Variants in EDNRB observed in about 807,000 individuals in gnomAD.
EDNRB encodes the protein endothelin receptor type B.
A neutral mutation model predicts 46.4 loss-of-function variants in EDNRB; 18 were observed. The observed-to-expected ratio is 0.39, with a 90% CI of 0.27 to 0.57. The LOEUF (loss-of-function observed/expected upper bound fraction) is 0.57. Among genes scored for constraint, EDNRB ranks in the 20% least tolerant of loss-of-function variants. The pLI is 0.61. For synonymous variants in EDNRB, 213 were observed against 204.9 expected (o/e 1.04, Z -0.34); for missense variants, 434 against 537.5 (o/e 0.81, Z 1.90).
chr13:77,907,320 C>G (rs1335723750), intron 1 of EDNRB, among the ~76,000 whole-genome samples: 1 of 151,912 alleles, frequency 6.6e-6, no homozygotes, highest in Non-Finnish European at 1.5e-5. Flanking sequence ...GAATTTGCCC[C>G]TTTTTCTTCC....
At chr13:77,968,555 C>T (rs1881642510) in intron 1 of EDNRB, among the ~76,000 whole-genome samples, 1 of 151,916 alleles carries the variant, frequency 6.6e-6, no homozygotes, top group South Asian at 2.1e-4. Flanking sequence ...GACACGTTTT[C>T]TGCCTTCATA....
At chr13:77,940,023 T>A (rs1051986308) in intron 1 of EDNRB, 1 of 147,670 alleles carries the variant, frequency 6.8e-6, no homozygotes, top group Non-Finnish European at 1.5e-5. Context: ...AATAAATAAA[T>A]AAAATAAAAA....
chr13:77,927,441 A>T (rs1001998468), intron 1 of EDNRB, among the ~76,000 whole-genome samples: 2 of 152,216 alleles, frequency 1.3e-5, no homozygotes, highest in African/African-American at 4.8e-5. Flanking sequence ...AACTAGAACA[A>T]AGTTGGGTAC....
intron 1 of EDNRB, among the ~76,000 whole-genome samples, chr13:77,931,761 C>CAAAAAAAAAAA (rs1424831945): frequency 1.0e-5 from 1 of 97,772 alleles, no homozygotes; most frequent in African/African-American, 3.8e-5. Flanking sequence ...AAAAAAAAAA[C>CAAAAAAAAAAA]AAAAAAAAAA....
At chr13:77,901,030 G>A (rs199580352) in intron 4 of EDNRB, 28 bp downstream of exon 4, 20 of 1,605,796 alleles carry the variant, frequency 1.2e-5, no homozygotes, top group African/African-American at 5.4e-5. Flanking sequence ...ATTCAACCAC[G>A]AGTTATCAAA....
At chr13:77,935,485 G>A (rs1039268708) in intron 1 of EDNRB, among the ~76,000 whole-genome samples, 2 of 152,172 alleles carry the variant, frequency 1.3e-5, no homozygotes, top group African/African-American at 4.8e-5. Context: ...TTGTTAGGAT[G>A]GCAAAACCAG....
intron 1 of EDNRB, among the ~76,000 whole-genome samples, chr13:77,961,930 A>G (rs898300384): frequency 6.6e-6 from 1 of 152,216 alleles, no homozygotes; most frequent in African/African-American, 2.4e-5. Flanking sequence ...AGATGCAATA[A>G]AAAATGATAA....
intron 1 of EDNRB, among the ~76,000 whole-genome samples, chr13:77,925,354 T>C (rs1432074416): frequency 1.3e-5 from 2 of 152,378 alleles, no homozygotes; most frequent in South Asian, 2.1e-4. Context: ...CTGAATCATA[T>C]GGCAGTTCTA....
intron 1 of EDNRB, among the ~76,000 whole-genome samples, chr13:77,945,876 C>CAAAAAAAAAAA (rs67463440): frequency 3.9e-4 from 45 of 115,550 alleles, no homozygotes; most frequent in African/African-American, 3.9e-4. Context: ...TGCAAAAAAC[C>CAAAAAAAAAAA]AAAAAAAAAA....
At chr13:77,946,901 C>G (rs140035337) in intron 1 of EDNRB, among the ~76,000 whole-genome samples, 2,243 of 152,262 alleles carry the variant, frequency 0.015, 46 homozygotes, top group East Asian at 0.024. Context: ...TTCCACACTT[C>G]CAAGGGGCAA....
intron 1 of EDNRB, among the ~76,000 whole-genome samples, chr13:77,968,587 GTAAA>G (rs1356542208): frequency 1.3e-5 from 2 of 151,976 alleles, no homozygotes; most frequent in African/African-American, 4.8e-5. Flanking sequence ...TGATGAGTGA[GTAAA>G]TAAACATGAA....
chr13:77,906,552 C>CA (rs1221510161), intron 1 of EDNRB, among the ~76,000 whole-genome samples: 2 of 151,976 alleles, frequency 1.3e-5, no homozygotes, highest in African/African-American at 2.4e-5. Flanking sequence ...TGGGGGAGGC[C>CA]AGCTGCCATG....
In EDNRB at chr13:77,918,271, T is replaced by G; in HGVS notation, c.303A>C (p.Lys101Asn). 1 of 1,614,084 alleles carries G rather than the reference T, an allele frequency of 6.2e-7. No homozygotes were observed. The highest frequency in any genetic ancestry group is 8.5e-7 in the Non-Finnish European group (1 of 1,180,006). ...QGPIEIKETFKYINTVVSCLV... is the reference protein window; with the variant it reads ...QGPIEIKETFNYINTVVSCLV... ...GGCAGGACACAACCGTGTTGATGTA[T>G]TTGAAAGTCTCCTTGATCTCGATGG... The change falls in exon 1 of 7, where the codon AAA becomes AAC. Residue 101 changes from lysine (K) to asparagine (N), a missense_variant. Lys to Asn is a moderately conservative substitution (Grantham distance 94, BLOSUM62 0). Transcript: ENST00000646607. The surrounding 1 kb of genome is among the most constrained non-coding windows in gnomAD (Gnocchi z 4.5).
chr13:77,968,815 G>C (rs1881648502), intron 1 of EDNRB, among the ~76,000 whole-genome samples: 1 of 152,102 alleles, frequency 6.6e-6, no homozygotes, highest in Admixed American at 6.6e-5. Flanking sequence ...CTGATACACA[G>C]GCAAAATTGT....
At chr13:77,941,732 A>G (rs1880754915) in intron 1 of EDNRB, among the ~76,000 whole-genome samples, 1 of 152,202 alleles carries the variant, frequency 6.6e-6, no homozygotes, top group Non-Finnish European at 1.5e-5. Flanking sequence ...TAGGACAGGG[A>G]CAGTTGTTTT....
rs1878698160 is a variant in EDNRB, at chr13:77,897,569, GT to G, written c.*630del. ...TGGTTACATATTGCAGAATGCTGAG[GT>G]TTGGGCTTCTAGTGAAAGTGTAATG... On this transcript the variant is annotated 3_prime_UTR_variant, in exon 7 of 7. Coordinates refer to ENST00000646607, the MANE Select transcript of EDNRB (RefSeq NM_001122659.3). 1.1e-5 allele frequency: 11 copies of G among 985,356 alleles called. No individual in the cohort carries two copies. The highest frequency in any genetic ancestry group is 1.2e-5 in the Non-Finnish European group (10 of 829,980). The allele number at this position is 985,356 out of a possible 1,614,324, so 61.0% of individuals were successfully genotyped here.
At chr13:77,946,641 C>T (rs1880928097) in intron 1 of EDNRB, among the ~76,000 whole-genome samples, 1 of 152,280 alleles carries the variant, frequency 6.6e-6, no homozygotes, top group East Asian at 1.9e-4. Context: ...ATGATAACCT[C>T]AGCCACAGGC....
chr13:77,915,250 C>T (rs1886481), intron 1 of EDNRB, among the ~76,000 whole-genome samples: 81,304 of 152,034 alleles, frequency 0.53, 22,623 homozygotes, highest in Non-Finnish European at 0.62. Flanking sequence ...ATTAGAATAA[C>T]TTCCACTGAT....
intron 3 of EDNRB, among the ~76,000 whole-genome samples, chr13:77,901,957 G>A (rs764492122): frequency 8.6e-5 from 13 of 151,768 alleles, no homozygotes; most frequent in Non-Finnish European, 1.9e-4. Flanking sequence ...AATAATCATT[G>A]GGAATAGTTA....
Sources: gnomAD v4.1 joint callset for allele counts (sites outside exome capture counted in the v4.1 genomes callset) on GRCh38, gnomAD v4.1.1 for gene constraint, Gnocchi (gnomAD v3.1) non-coding constraint, MANE v1.5 for transcripts, NCBI Gene and HGNC (gene_info 2026-07-23, HGNC 2026-07-21) for gene names.